TCEA1: variants seen among roughly 807,000 people sequenced by gnomAD.
TCEA1 encodes the protein transcription elongation factor A1.
In TCEA1, 21 loss-of-function variants were observed where a neutral mutation model predicts 43.8. That is an observed-to-expected ratio of 0.48 (90% CI 0.34 to 0.69). TCEA1 has a LOEUF of 0.69. TCEA1 is among the 30% of genes least tolerant of loss of function. TCEA1 has a pLI of 0.01. For synonymous variants in TCEA1, 104 were observed against 117.5 expected (o/e 0.88, Z 0.75); for missense variants, 250 against 365.1 (o/e 0.68, Z 2.57).
chr8:54,018,012 C>T (rs933341955), intron 1 of TCEA1, among the ~76,000 whole-genome samples: 6 of 152,162 alleles, frequency 3.9e-5, no homozygotes, highest in African/African-American at 9.7e-5. Flanking sequence ...GAGTCAACTA[C>T]ACTTTAAGAA....
chr8:53,999,752 T>C, intron 3 of TCEA1, 193 bp downstream of exon 3: 1 of 454,098 alleles, frequency 2.2e-6, no homozygotes. Flanking sequence ...AAGCCAAATT[T>C]GACTGGCCTA....
intron 8 of TCEA1, chr8:53,974,142 G>A (rs1803251401): frequency 6.4e-6 from 1 of 155,596 alleles, no homozygotes; most frequent in South Asian, 2.0e-4. Context: ...ATCCTGCCTT[G>A]TCAATGTTTA....
intron 1 of TCEA1, among the ~76,000 whole-genome samples, chr8:54,012,965 A>C (rs74921822): frequency 7.0e-6 from 1 of 142,292 alleles, no homozygotes; most frequent in African/African-American, 2.6e-5. Flanking sequence ...ACGACGACAA[A>C]AAAAAAAAAA....
chr8:54,002,752 G>T (rs908237188), intron 2 of TCEA1: 9 of 376,896 alleles, frequency 2.4e-5, no homozygotes, highest in African/African-American at 1.9e-4. Context: ...GGAATTGTGG[G>T]ATTATAACTG....
intron 1 of TCEA1, among the ~76,000 whole-genome samples, chr8:54,021,061 C>G (rs1267769413): frequency 6.6e-6 from 1 of 152,082 alleles, no homozygotes. Flanking sequence ...TGGTGGCGCA[C>G]GTCTGTAATC....
intron 3 of TCEA1, among the ~76,000 whole-genome samples, chr8:53,994,683 A>G (rs12677696): frequency 0.19 from 28,383 of 151,678 alleles, 3,772 homozygotes; most frequent in East Asian, 0.66. Flanking sequence ...CCTGGTTAAC[A>G]TGGTAAAACC....
chr8:54,021,971 G>A lies in TCEA1; in HGVS notation c.63+92C>T. 3 of 1,249,008 alleles carry A rather than the reference G, an allele frequency of 2.4e-6. No homozygotes were observed. In the South Asian group the frequency reaches 5.8e-5, roughly 24 times the overall value. The allele number at this position is 1,249,008 out of a possible 1,614,324, so 77.4% of individuals were successfully genotyped here. The stretch of plus-strand genomic sequence containing the variant: ...CGGCTCCCAGACGGGAGGCTGCAGG[G>A]GGAGGGGAGGGAGAAGGAGGGAGGG... On this transcript the variant is annotated intron_variant, in intron 1 of 9. Coordinates refer to ENST00000521604, the MANE Select transcript of TCEA1 (RefSeq NM_006756.4).
At chr8:54,001,976 C>T (rs1484292014) in intron 2 of TCEA1, among the ~76,000 whole-genome samples, 13 of 114,672 alleles carry the variant, frequency 1.1e-4, no homozygotes, top group Middle Eastern at 7.7e-3. Context: ...ACTGTCTCTA[C>T]TAAAAAAAAA....
chr8:54,010,121 T>C (rs1804605861), intron 2 of TCEA1: 2 of 289,798 alleles, frequency 6.9e-6, no homozygotes, highest in Admixed American at 5.3e-5. Context: ...CTATCAATAA[T>C]AGATCAAGAA....
rs1315615218 is a variant in TCEA1, at chr8:53,992,297, G to A, written c.320+1371C>T. Among the ~76,000 whole-genome samples, 4 of 151,976 alleles carry A rather than the reference G, an allele frequency of 2.6e-5. No individual in the cohort carries two copies. The East Asian group carries it at 7.7e-4, about 29-fold the overall frequency. ...ACTGCCTTCCAGCCTGGGTGACAGA[G>A]CAAGACTCTGTCTCAAAAATAAAAA... is the stretch of plus-strand genomic sequence containing the variant. On this transcript the variant is annotated intron_variant, in intron 4 of 9. Transcript: ENST00000521604.
At chr8:53,976,131 A>T (rs1481690622) in intron 8 of TCEA1, among the ~76,000 whole-genome samples, 1 of 152,198 alleles carries the variant, frequency 6.6e-6, no homozygotes, top group Non-Finnish European at 1.5e-5. Context: ...CTAAATACTA[A>T]TAATGTTGCA....
At chr8:54,021,305 C>T (rs181393343) in intron 1 of TCEA1, among the ~76,000 whole-genome samples, 21 of 152,278 alleles carry the variant, frequency 1.4e-4, no homozygotes, top group Admixed American at 8.5e-4. Flanking sequence ...ACCACAAAAG[C>T]ATATGCTTAC....
chr8:54,003,766 G>T (rs745446446), intron 2 of TCEA1, among the ~76,000 whole-genome samples: 3 of 151,752 alleles, frequency 2.0e-5, no homozygotes, highest in South Asian at 4.2e-4. Context: ...CACCTAAGGC[G>T]CAAGCAATCA....
At chr8:54,018,401 T>C (rs1411715360) in intron 1 of TCEA1, among the ~76,000 whole-genome samples, 1 of 152,232 alleles carries the variant, frequency 6.6e-6, no homozygotes, top group Non-Finnish European at 1.5e-5. Context: ...GATTGTTTTT[T>C]AGGCCTTATT....
At chr8:53,993,601 A>C in intron 4 of TCEA1, 67 bp downstream of exon 4, 3 of 1,302,254 alleles carry the variant, frequency 2.3e-6, no homozygotes, top group South Asian at 2.6e-5. Flanking sequence ...AACATTAGAC[A>C]GGGGAATTGA....
At chr8:53,985,601 C>T (rs1332591239) in intron 6 of TCEA1, among the ~76,000 whole-genome samples, 1 of 152,192 alleles carries the variant, frequency 6.6e-6, no homozygotes, top group African/African-American at 2.4e-5. Flanking sequence ...TTCTTCTCTG[C>T]AGAAGAGGCC....
intron 2 of TCEA1, chr8:54,010,033 A>T (rs1286696087): frequency 6.2e-6 from 1 of 161,000 alleles, no homozygotes. Context: ...GACTGGTGCT[A>T]AAAAAAAAAG....
At chr8:54,021,210 G>T (rs189416048) in intron 1 of TCEA1, among the ~76,000 whole-genome samples, 1 of 152,066 alleles carries the variant, frequency 6.6e-6, no homozygotes, top group East Asian at 1.9e-4. Flanking sequence ...GTTTAGCTAA[G>T]AACAGATGAG....
intron 2 of TCEA1, among the ~76,000 whole-genome samples, chr8:54,008,611 G>A (rs1355775728): frequency 6.6e-6 from 1 of 150,630 alleles, no homozygotes; most frequent in Non-Finnish European, 1.5e-5. Flanking sequence ...GCTGCAGTCA[G>A]CCAATGATCA....
Sources: allele counts gnomAD v4.1 joint callset (sites outside exome capture counted in the v4.1 genomes callset), GRCh38; gene constraint gnomAD v4.1.1; transcripts MANE v1.5; gene names NCBI Gene and HGNC (gene_info 2026-07-23, HGNC 2026-07-21).